The following CHAMP1 variants were observed in gnomAD, a reference collection of about 807,000 sequenced individuals.
CHAMP1 encodes the protein chromosome alignment-maintaining phosphoprotein 1.
In CHAMP1, 4 loss-of-function variants were observed where a neutral mutation model predicts 54.5. The ratio of observed to expected loss-of-function variants is 0.07; its 90% CI spans 0.04 to 0.17. The LOEUF (loss-of-function observed/expected upper bound fraction) is 0.17. Ranked by LOEUF, CHAMP1 falls within the 10% of genes least tolerant of loss-of-function variation. The pLI is 1.00. For synonymous variants in CHAMP1, 368 were observed against 342.2 expected, an observed-to-expected ratio of 1.08 and a Z score of -0.83; for missense variants, 994 against 968.6, an observed-to-expected ratio of 1.03 and a Z score of -0.35.
At chr13:114,315,702 T>C (rs2139405708) in intron 1 of CHAMP1, among the ~76,000 whole-genome samples, 1 of 152,308 alleles carries the variant, frequency 6.6e-6, no homozygotes, top group South Asian at 2.1e-4. Context: ...GAGTGGAAGT[T>C]ACTGTTTCAT....
intron 2 of CHAMP1, chr13:114,322,360 T>C (rs2139415898): frequency 6.6e-6 from 1 of 152,118 alleles, no homozygotes; most frequent in Admixed American, 6.6e-5. Flanking sequence ...AAAATAATGG[T>C]TTTGTAATTA....
intron 2 of CHAMP1, chr13:114,322,497 TACTAGCTTTCACCTAGGTTGTAGCAAGG>T (rs1422837835): frequency 6.6e-6 from 1 of 152,200 alleles, no homozygotes; most frequent in Admixed American, 6.5e-5. Flanking sequence ...AATAGTGAAA[TACTAGCTTTCACCTAGGTTGTAGCAAGG>T]ATTAGGAATT....
rs373952414 is a variant in CHAMP1, at chr13:114,324,066, C to G, written c.224C>G (p.Ser75Cys). 3.4e-5 allele frequency: 55 copies of G among 1,614,168 alleles called. No homozygotes were observed. The highest frequency in any genetic ancestry group is 4.5e-5 in the Non-Finnish European group (53 of 1,180,022). The change falls in exon 3 of 3, where the codon TCT becomes TGT. Residue 75 changes from serine (S) to cysteine (C), a missense_variant. Transcript: ENST00000361283. ...TGCTTCTTCACCAGCAAGATGTACTCTAATGTATACTATCACATCACATCC... is the reference window on the plus strand; with the variant it reads ...TGCTTCTTCACCAGCAAGATGTACTGTAATGTATACTATCACATCACATCC... ...HKCFFTSKMY[S>C]NVYYHITSKH...
At chr13:114,320,582 A>C (rs782191029) in intron 1 of CHAMP1, among the ~76,000 whole-genome samples, 1 of 152,182 alleles carries the variant, frequency 6.6e-6, no homozygotes, top group Admixed American at 6.5e-5. Flanking sequence ...GCATAATTCC[A>C]TAGTGGATCA....
In CHAMP1 at chr13:114,314,531, A is replaced by G. The variant is rs890068599; in HGVS notation, c.-291A>G. ...CACCCGGATCCCGGCTCCTGCATCC[A>G]GTCGCCATTCGGGAGGCCGCTGCGC... On this transcript the variant is annotated 5_prime_UTR_variant, in exon 1 of 3. Transcript: ENST00000361283. 2.0e-5 allele frequency: 3 copies of G among 151,572 alleles called. No homozygotes were observed. The highest frequency in any genetic ancestry group is 4.4e-5 in the Non-Finnish European group (3 of 67,816). The allele number at this position is 151,572 out of a possible 1,614,324, so 9.4% of individuals were successfully genotyped here.
In CHAMP1 at chr13:114,324,979, C is replaced by T; in HGVS notation, c.1137C>T (p.Ser379=). ...AATCTTCATCAGTCTCACCCAGCTC[C>T]TGGAAGTCTCCCCCTGCATCTCCTG... The part of the protein sequence containing the change: ...SWKSSSVSPS[S]WKSPPASPES... Residue 379 remains serine (S), a synonymous_variant, in exon 3 of 3, where the codon TCC becomes TCT. Transcript: ENST00000361283. 1.2e-6 allele frequency: 2 copies of T among 1,614,038 alleles called. No homozygotes were observed. Among genetic ancestry groups the T allele is most frequent in the Non-Finnish European group, 1.7e-6 (2 of 1,179,994 alleles).
rs782223214 is a variant in CHAMP1, at chr13:114,324,846, A to G, written c.1004A>G (p.Lys335Arg). The change falls in exon 3 of 3, where the codon AAG becomes AGG. Residue 335 changes from lysine (K) to arginine (R), a missense_variant. Lys to Arg is a conservative substitution (Grantham distance 26). Coordinates refer to ENST00000361283, the MANE Select transcript of CHAMP1 (RefSeq NM_032436.4). ...SNPSASSGPW[K>R]PAKPAPSVSP... is the part of the protein sequence containing the mutation. Reference sequence around the variant, plus strand: ...CCTTCAGCATCATCAGGACCTTGGAAGCCAGCTAAACCTGCTCCATCTGTG... The same window carrying G: ...CCTTCAGCATCATCAGGACCTTGGAGGCCAGCTAAACCTGCTCCATCTGTG... 1 of 1,614,192 alleles carries G rather than the reference A, an allele frequency of 6.2e-7. No individual in the cohort carries two copies. Among genetic ancestry groups the G allele is most frequent in the South Asian group, 1.1e-5 (1 of 91,086 alleles).
At chr13:114,320,890 A>T (rs2087159370) in intron 1 of CHAMP1, among the ~76,000 whole-genome samples, 1 of 151,396 alleles carries the variant, frequency 6.6e-6, no homozygotes, top group Non-Finnish European at 1.5e-5. Flanking sequence ...CTGGAGGCGG[A>T]GCTTGCAGTG....
At chr13:114,316,608 A>T (rs1001436137) in intron 1 of CHAMP1, among the ~76,000 whole-genome samples, 2 of 152,088 alleles carry the variant, frequency 1.3e-5, no homozygotes, top group African/African-American at 4.8e-5. Flanking sequence ...ATAAATAAAT[A>T]AAAATGACTC....
intron 2 of CHAMP1, 130 bp from the exon 3 acceptor site, chr13:114,323,658 C>T: frequency 1.4e-6 from 1 of 703,494 alleles, no homozygotes; most frequent in Non-Finnish European, 2.2e-6. Context: ...TCTTCAAATT[C>T]TCCCTAGAGA....
intron 2 of CHAMP1, chr13:114,322,204 T>C (rs797022907): frequency 2.0e-5 from 3 of 152,252 alleles, no homozygotes; most frequent in African/African-American, 7.2e-5. Flanking sequence ...CACGCCTGGC[T>C]AATTTTTGTA....
intron 1 of CHAMP1, among the ~76,000 whole-genome samples, chr13:114,320,807 CT>C (rs1371352326): frequency 6.6e-6 from 1 of 151,834 alleles, no homozygotes; most frequent in Non-Finnish European, 1.5e-5. Flanking sequence ...ATACAAAAAA[CT>C]AGCCGGGCGT....
chr13:114,324,003 T>G lies in CHAMP1; in HGVS notation c.161T>G (p.Phe54Cys). 2.5e-6 allele frequency: 4 copies of G among 1,614,172 alleles called. No individual in the cohort carries two copies. The highest frequency in any genetic ancestry group is 3.4e-6 in the Non-Finnish European group (4 of 1,180,022). ...GCTGGTGGGCTAGGCAAAATGATAT[T>G]TTACCAGAAAAGTGCAAAGTTATTT... is the stretch of plus-strand genomic sequence containing the variant. ...MDAGGLGKMI[F>C]YQKSAKLFHC... Residue 54 changes from phenylalanine (F) to cysteine (C), a missense_variant, in exon 3 of 3, where the codon TTT becomes TGT. This residue lies in a region of CHAMP1 where 84 missense variants were observed against 120.7 expected (regional missense o/e 0.70). Coordinates refer to ENST00000361283, the MANE Select transcript of CHAMP1 (RefSeq NM_032436.4).
Position 114,324,560 on chromosome 13 carries a change from C to A in CHAMP1, c.718C>A (p.Pro240Thr). The change falls in exon 3 of 3, where the codon CCT becomes ACT. Residue 240 changes from proline (P) to threonine (T), a missense_variant. Physicochemically the swap from Pro to Thr is conservative, Grantham distance 38. This residue lies in a region of CHAMP1 where 851 missense variants were observed against 701.3 expected (regional missense o/e 1.21). Transcript: ENST00000361283. ...QSHFPETLGPPSASSPESPVL... is the reference protein window; with the variant it reads ...QSHFPETLGPTSASSPESPVL... ...TCATTTCCCGGAAACATTGGGGCCA[C>A]CTTCAGCCTCATCTCCAGAGTCACC... 6.2e-7 allele frequency: 1 copy of A among 1,614,108 alleles called. No homozygotes were observed. The highest frequency in any genetic ancestry group is 8.5e-7 in the Non-Finnish European group (1 of 1,180,008).
chr13:114,317,175 G>A lies in CHAMP1; in HGVS notation c.-179+2532G>A, dbSNP rs141996018. On this transcript the variant is annotated intron_variant, in intron 1 of 2. Transcript: ENST00000361283. ...TGGGATTATAGGTATGCACCACCAC[G>A]CCCAGCTAATTTTTGTATTTTTAGT... Among the ~76,000 whole-genome samples, 459 of 152,000 alleles carry A rather than the reference G, an allele frequency of 3.0e-3. 1 individual carries two copies. The highest frequency in any genetic ancestry group is 0.011 in the African/African-American group (444 of 41,470).
At position 114,325,216 on chromosome 13, in the gene CHAMP1, T is replaced by C. The variant is rs782275339; in HGVS notation, c.1374T>C (p.Thr458=). 1 of 1,614,042 alleles carries C rather than the reference T, an allele frequency of 6.2e-7. No homozygotes were observed. The highest frequency in any genetic ancestry group is 1.3e-5 in the African/African-American group (1 of 74,914). Residue 458 remains threonine (T), a synonymous_variant, in exon 3 of 3, where the codon ACT becomes ACC. Coordinates refer to ENST00000361283, the MANE Select transcript of CHAMP1 (RefSeq NM_032436.4). Reference sequence around the variant, plus strand: ...AGCTTTCTCCTGATCAGCGGAAAACTTCTCCTGCTTCACTTGATTTCCCTG... The same window carrying C: ...AGCTTTCTCCTGATCAGCGGAAAACCTCTCCTGCTTCACTTGATTTCCCTG... The part of the protein sequence containing the change: ...LWKLSPDQRK[T]SPASLDFPES...
Position 114,323,820 on chromosome 13 carries a change from G to A in CHAMP1, c.-23G>A. On this transcript the variant is annotated 5_prime_UTR_variant, in exon 3 of 3. The change creates a new upstream start codon in the 5' untranslated region. Transcript: ENST00000361283. ...GAAAGTTTTTAAAGAATATAACCGT[G>A]TGTGTTGGTAACAGACAGAAGAATG... 6.4e-7 allele frequency: 1 copy of A among 1,570,264 alleles called. No homozygotes were observed.
chr13:114,324,966 T>G lies in CHAMP1; in HGVS notation c.1124T>G (p.Val375Gly). Residue 375 changes from valine to glycine, a missense_variant, in exon 3 of 3, where the codon GTC becomes GGC. Physicochemically the swap from Val to Gly is moderately radical, Grantham distance 109. Coordinates refer to ENST00000361283, the MANE Select transcript of CHAMP1 (RefSeq NM_032436.4). ...VSSASWKSSS[V>G]SPSSWKSPPA... ...TCTGCATCCTGGAAATCTTCATCAG[T>G]CTCACCCAGCTCCTGGAAGTCTCCC... is the stretch of plus-strand genomic sequence containing the variant. The G allele has an allele frequency of 6.2e-7, 1 of 1,613,856 alleles. No homozygotes were observed. Among genetic ancestry groups the G allele is most frequent in the Non-Finnish European group, 8.5e-7 (1 of 1,179,970 alleles).
At position 114,325,621 on chromosome 13, in the gene CHAMP1, T is replaced by A. The variant is rs1555379871; in HGVS notation, c.1779T>A (p.Asp593Glu). 1 of 1,614,200 alleles carries A rather than the reference T, an allele frequency of 6.2e-7. No individual in the cohort carries two copies. The highest frequency in any genetic ancestry group is 1.6e-4 in the Middle Eastern group (1 of 6,062). ...ATGCCATAGATGATCAAAAATGTGA[T>A]ATTTTGGTTCAGGAAGAACTTCTAG... ...QIDAIDDQKCDILVQEELLAS... is the reference protein window; with the variant it reads ...QIDAIDDQKCEILVQEELLAS... Residue 593 changes from aspartate to glutamate, a missense_variant, in exon 3 of 3, where the codon GAT becomes GAA. By Grantham distance (45) the Asp-to-Glu change is conservative (BLOSUM62 2). This residue lies in a region of CHAMP1 where 851 missense variants were observed against 701.3 expected (regional missense o/e 1.21). Transcript: ENST00000361283.
Sources: allele counts gnomAD v4.1 joint callset (sites outside exome capture counted in the v4.1 genomes callset), GRCh38; gene constraint gnomAD v4.1.1; regional missense constraint gnomAD v4.1.1; transcripts MANE v1.5; gene names NCBI Gene and HGNC (gene_info 2026-07-23, HGNC 2026-07-21).